The following IL31RA variants were observed in gnomAD, a reference collection of about 807,000 sequenced individuals.
IL31RA encodes interleukin-31 receptor subunit alpha.
IL31RA carries 66 observed loss-of-function variants against 83.7 expected under a neutral mutation model. That is an observed-to-expected ratio of 0.79 (90% CI 0.65 to 0.97). IL31RA has a LOEUF of 0.97. Among genes scored for constraint, IL31RA ranks in the 50% least tolerant of loss-of-function variants. The probability of loss-of-function intolerance (pLI) is 0.00; values close to 1 mark genes in which losing one functional copy is unlikely to be tolerated. For synonymous variants in IL31RA, 325 were observed against 329.0 expected (o/e 0.99, Z 0.13); for missense variants, 798 against 919.4 (o/e 0.87, Z 1.71).
intron 2 of IL31RA, 79 bp from the exon 3 acceptor site, chr5:55,868,712 T>A: frequency 1.1e-6 from 1 of 902,314 alleles, no homozygotes; most frequent in Non-Finnish European, 1.9e-6. Flanking sequence ...TATTTTCCAT[T>A]AAAAATGTTC....
chr5:55,887,840 G>A (rs527431015), intron 5 of IL31RA, among the ~76,000 whole-genome samples: 2 of 151,252 alleles, frequency 1.3e-5, no homozygotes, highest in African/African-American at 2.4e-5. Context: ...AGCCGAGATC[G>A]CCACCGTACT....
chr5:55,849,091 C>G (rs911119679), upstream of IL31RA, among the ~76,000 whole-genome samples: 1 of 152,158 alleles, frequency 6.6e-6, no homozygotes, highest in African/African-American at 2.4e-5. Context: ...CAAAGTAATA[C>G]ATATACATAG....
chr5:55,864,698 A>C (rs914183209), intron 2 of IL31RA, among the ~76,000 whole-genome samples: 1 of 150,888 alleles, frequency 6.6e-6, no homozygotes, highest in African/African-American at 2.4e-5. Flanking sequence ...CATCACACAT[A>C]CTACACACAT....
rs551126979 is a variant in IL31RA, at chr5:55,860,166, C to T, written c.154+567C>T. Among the ~76,000 whole-genome samples the T allele has an allele frequency of 3.7e-3, 569 of 152,026 alleles. 4 individuals carry two copies. The Middle Eastern group carries it at 0.048, about 13-fold the overall frequency. ...GGCAGATTTTTTGAGGTCAGGAGTT[C>T]GAGAGCAGCCTGACCAACATGGTAA... On this transcript the variant is annotated intron_variant, in intron 2 of 14. Transcript: ENST00000652347.
chr5:55,901,816 T>C (rs1293369125), intron 8 of IL31RA, among the ~76,000 whole-genome samples: 2 of 151,874 alleles, frequency 1.3e-5, no homozygotes, highest in Non-Finnish European at 2.9e-5. Flanking sequence ...GGTTTCTCCA[T>C]GTTGGTCAGG....
intron 2 of IL31RA, among the ~76,000 whole-genome samples, chr5:55,867,304 C>CGCGT (rs1561543847): frequency 8.5e-6 from 1 of 118,190 alleles, no homozygotes; most frequent in Non-Finnish European, 1.7e-5. Flanking sequence ...TGTGTGTGTG[C>CGCGT]GTGTGTGTGT....
chr5:55,897,204 A>G (rs542097212), intron 7 of IL31RA, among the ~76,000 whole-genome samples: 70 of 147,140 alleles, frequency 4.8e-4, no homozygotes, highest in Non-Finnish European at 8.9e-4. Flanking sequence ...AAAAACTGTG[A>G]TTCTTGAAAT....
chr5:55,901,586 CATTATT>C (rs58572654), intron 8 of IL31RA, among the ~76,000 whole-genome samples: 26,344 of 144,746 alleles, frequency 0.18, 2,569 homozygotes, highest in Middle Eastern at 0.35. Context: ...TTACTATTGT[CATTATT>C]ATTATTATTA....
At position 55,918,223 on chromosome 5, in the gene IL31RA, G is replaced by A. The variant is rs555344100; in HGVS notation, c.*1103G>A. Among the ~76,000 whole-genome samples the A allele has an allele frequency of 4.7e-4, 71 of 152,286 alleles. No homozygotes were observed. Among genetic ancestry groups the A allele is most frequent in the African/African-American group, 1.6e-3 (68 of 41,558 alleles). On this transcript the variant is annotated 3_prime_UTR_variant, in exon 15 of 15. Transcript: ENST00000652347. Reference sequence around the variant, plus strand: ...TTTGTGGGAGGCCACTAGGAGGCTGGTGAGATCAGGGCAGGCGAGGCAATG... The same window carrying A: ...TTTGTGGGAGGCCACTAGGAGGCTGATGAGATCAGGGCAGGCGAGGCAATG...
chr5:55,840,892 A>G, the IL31RA span, among the ~76,000 whole-genome samples: 1 of 152,150 alleles, frequency 6.6e-6, no homozygotes, highest in Non-Finnish European at 1.5e-5. Flanking sequence ...TGATGAGCCC[A>G]CTGACTGATA....
At chr5:55,878,450 A>G (rs1209088153) in intron 4 of IL31RA, among the ~76,000 whole-genome samples, 1 of 152,150 alleles carries the variant, frequency 6.6e-6, no homozygotes, top group East Asian at 1.9e-4. Context: ...AAAATTGGGC[A>G]TTGGAAAAAA....
At chr5:55,839,866 A>G in the IL31RA span, 1 of 740,358 alleles carries the variant, frequency 1.4e-6, no homozygotes, top group Non-Finnish European at 2.5e-6. Flanking sequence ...AAGCCTTGTC[A>G]CCCAGCCTGC....
chr5:55,860,425 C>T (rs1056390848), intron 2 of IL31RA, among the ~76,000 whole-genome samples: 2 of 151,694 alleles, frequency 1.3e-5, no homozygotes, highest in African/African-American at 4.8e-5. Context: ...TCTCATTGTA[C>T]TGCACTCACC....
chr5:55,841,971 G>A, the IL31RA span, among the ~76,000 whole-genome samples: 3 of 151,630 alleles, frequency 2.0e-5, no homozygotes, highest in African/African-American at 7.3e-5. Context: ...TTTAAGAGAT[G>A]GTCTTGCTAT....
chr5:55,915,356 C>A (rs1365027427), intron 14 of IL31RA, among the ~76,000 whole-genome samples: 1 of 152,174 alleles, frequency 6.6e-6, no homozygotes, highest in African/African-American at 2.4e-5. Flanking sequence ...ATGGGCATGG[C>A]AGTCTGAGGC....
chr5:55,845,318 G>A, the IL31RA span, among the ~76,000 whole-genome samples: 2 of 152,158 alleles, frequency 1.3e-5, no homozygotes, highest in Non-Finnish European at 2.9e-5. Context: ...TGTGCCTCTG[G>A]ACTGTGAACT....
chr5:55,914,055 G>C (rs903278228), intron 13 of IL31RA, among the ~76,000 whole-genome samples: 1 of 152,222 alleles, frequency 6.6e-6, no homozygotes, highest in African/African-American at 2.4e-5. Flanking sequence ...TCTGGCTGCA[G>C]GGGCCTTTAA....
In IL31RA at chr5:55,922,206, C is replaced by T. The variant is rs1048427630; in HGVS notation, c.*5086C>T. Among the ~76,000 whole-genome samples the T allele has an allele frequency of 1.3e-5, 2 of 152,178 alleles. No individual in the cohort carries two copies. The highest frequency in any genetic ancestry group is 4.8e-5 in the African/African-American group (2 of 41,504). ...TGGAAGAGACCCCAGGCCACAATAGCCCTTGACACAGAGCTCTATGCAGGG... is the reference window on the plus strand; with the variant it reads ...TGGAAGAGACCCCAGGCCACAATAGTCCTTGACACAGAGCTCTATGCAGGG... On this transcript the variant is annotated 3_prime_UTR_variant, in exon 15 of 15. Transcript: ENST00000652347.
intron 4 of IL31RA, among the ~76,000 whole-genome samples, chr5:55,878,776 C>T (rs1292399904): frequency 6.6e-6 from 1 of 152,112 alleles, no homozygotes; most frequent in Non-Finnish European, 1.5e-5. Context: ...ACCTCAGCCT[C>T]CCAAGTGGCT....
Sources: allele counts gnomAD v4.1 joint callset (sites outside exome capture counted in the v4.1 genomes callset), GRCh38; gene constraint gnomAD v4.1.1; transcripts MANE v1.5; gene names NCBI Gene and HGNC (gene_info 2026-07-23, HGNC 2026-07-21).